The following RNF150 variants were observed in gnomAD, a reference collection of about 807,000 sequenced individuals.
RNF150 encodes the protein ring finger protein 150.
Under a neutral mutation model 39.3 loss-of-function variants are expected in RNF150, and 24 were observed. The observed-to-expected ratio is 0.61, with a 90% CI of 0.44 to 0.86. The LOEUF (loss-of-function observed/expected upper bound fraction) is 0.86, where lower values mean the gene tolerates loss of function less well. Ranked by LOEUF, RNF150 falls within the 40% of genes least tolerant of loss-of-function variation. The pLI, the probability that RNF150 is intolerant of heterozygous loss-of-function variation, is 0.00. For missense variants in RNF150, 502 were observed against 587.8 expected (o/e 0.85, Z 1.51); for synonymous variants, 255 against 227.3 (o/e 1.12, Z -1.10).
chr4:140,899,944 T>TTCTCTCTCTCTCTC (rs60297205), intron 6 of RNF150, among the ~76,000 whole-genome samples: 2,634 of 109,770 alleles, frequency 0.024, 76 homozygotes, highest in East Asian at 0.056. Flanking sequence ...CTCTCTCACT[T>TTCTCTCTCTCTCTC]TCTCTCTCTC....
At chr4:140,970,788 AG>A (rs1733434859) in intron 1 of RNF150, among the ~76,000 whole-genome samples, 4 of 152,146 alleles carry the variant, frequency 2.6e-5, no homozygotes, top group Admixed American at 2.6e-4. Flanking sequence ...CCACTTAGAA[AG>A]ACAAACAGTG....
At chr4:141,160,904 C>T (rs771176515) in intron 1 of RNF150, among the ~76,000 whole-genome samples, 12 of 152,122 alleles carry the variant, frequency 7.9e-5, no homozygotes, top group Admixed American at 5.2e-4. Context: ...TATAAATTAC[C>T]CAGTCTCAGG....
intron 1 of RNF150, among the ~76,000 whole-genome samples, chr4:141,046,039 T>C (rs1351879853): frequency 2.0e-5 from 3 of 151,992 alleles, no homozygotes; most frequent in Non-Finnish European, 4.4e-5. Flanking sequence ...AAAAGAAAAA[T>C]GACGTCATAG....
chr4:141,090,760 C>T (rs183244474), intron 1 of RNF150, among the ~76,000 whole-genome samples: 1 of 152,138 alleles, frequency 6.6e-6, no homozygotes, highest in Non-Finnish European at 1.5e-5. Flanking sequence ...AGCTGCTCAG[C>T]CCCTGGTGAT....
chr4:140,967,830 C>A lies in RNF150; in HGVS notation c.528G>T (p.Gly176=), dbSNP rs115090954. The change falls in exon 2 of 7, where the codon GGG becomes GGT. Residue 176 remains glycine, a synonymous_variant. Transcript: ENST00000515673. ...TTTCCAGCAGGCTTACTATCTCCTT[C>A]CCTTTTGGCTCAGGAATCATTATGG... ...IVAIMIPEPK[G]KEIVSLLERN... 3.2e-4 allele frequency: 515 copies of A among 1,613,416 alleles called. 1 individual carries two copies. The African/African-American group carries it at 6.2e-3, about 19-fold the overall frequency.
intron 1 of RNF150, among the ~76,000 whole-genome samples, chr4:141,130,077 C>A (rs1183770475): frequency 6.6e-6 from 1 of 152,204 alleles, no homozygotes; most frequent in Non-Finnish European, 1.5e-5. Context: ...GTTTCTCAAA[C>A]TGAATTCAGA....
At chr4:141,025,670 T>C (rs1430643727) in intron 1 of RNF150, among the ~76,000 whole-genome samples, 1 of 152,112 alleles carries the variant, frequency 6.6e-6, no homozygotes, top group Admixed American at 6.6e-5. Context: ...AAAAATAGCA[T>C]AGGAGAAAGA....
chr4:141,194,911 G>T (rs1728173902), intron 1 of RNF150, among the ~76,000 whole-genome samples: 1 of 152,128 alleles, frequency 6.6e-6, no homozygotes, highest in African/African-American at 2.4e-5. Flanking sequence ...TACCTCATAG[G>T]CTGGTCATGA....
In RNF150 at chr4:141,186,165, C is replaced by A. The variant is rs1002564594; in HGVS notation, c.-6+26629G>T. 2.6e-5 allele frequency among the ~76,000 whole-genome samples: 4 copies of A among 152,060 alleles called. No individual in the cohort carries two copies. In the East Asian group the frequency reaches 7.7e-4, roughly 29 times the overall value. ...GGCTGGGAATCCATCTGGTCCTGGGCTTTTTTTGGTTGGTAGGCTATTTAT... is the reference window on the plus strand; with the variant it reads ...GGCTGGGAATCCATCTGGTCCTGGGATTTTTTTGGTTGGTAGGCTATTTAT... On this transcript the variant is annotated intron_variant, in intron 1 of 7. Transcript: ENST00000420921.
intron 1 of RNF150, among the ~76,000 whole-genome samples, chr4:140,996,046 C>A (rs112597420): frequency 0.076 from 11,549 of 152,008 alleles, 499 homozygotes; most frequent in Middle Eastern, 0.16. Flanking sequence ...TTTTTGAGGA[C>A]CCGCCATACA....
At chr4:140,919,201 G>A (rs1225801696) in intron 5 of RNF150, among the ~76,000 whole-genome samples, 1 of 137,166 alleles carries the variant, frequency 7.3e-6, no homozygotes. Flanking sequence ...TTAGGCAGGA[G>A]AAGGAAATAA....
intron 5 of RNF150, among the ~76,000 whole-genome samples, chr4:140,916,899 A>G (rs2111291414): frequency 6.6e-6 from 1 of 152,352 alleles, no homozygotes; most frequent in East Asian, 1.9e-4. Flanking sequence ...AATATTCTTA[A>G]AGAAAAGAAT....
At position 141,151,453 on chromosome 4, in the gene RNF150, CACACACACAG is replaced by C. The variant is rs1359202166; in HGVS notation, c.-6+61331_-6+61340del. ...ACACACACACACACACACACACACA[CACACACACAG>C]ACACACACACAAATTTAAGTCAATA... On this transcript the variant is annotated intron_variant, in intron 1 of 7. Coordinates refer to the RNF150 transcript ENST00000420921. Among the ~76,000 whole-genome samples, 381 of 7,792 alleles carry C rather than the reference CACACACACAG, an allele frequency of 0.049. 6 individuals carry two copies. The Middle Eastern group carries it at 0.5, about 10-fold the overall frequency. 5.1% of individuals were successfully genotyped at this position (7,792 alleles called of 152,430 possible).
intron 1 of RNF150, among the ~76,000 whole-genome samples, chr4:141,172,042 A>G (rs1364059566): frequency 6.6e-6 from 1 of 152,214 alleles, no homozygotes; most frequent in Admixed American, 6.5e-5. Flanking sequence ...TTCATTAGCT[A>G]TTGCCACAAT....
chr4:140,963,801 G>T (rs1733131917), intron 2 of RNF150, among the ~76,000 whole-genome samples: 1 of 151,938 alleles, frequency 6.6e-6, no homozygotes, highest in South Asian at 2.1e-4. Flanking sequence ...TTAGACTATG[G>T]CCATTGGAAA....
chr4:140,951,225 G>T (rs1227259177), intron 2 of RNF150, among the ~76,000 whole-genome samples: 1 of 152,056 alleles, frequency 6.6e-6, no homozygotes, highest in Non-Finnish European at 1.5e-5. Flanking sequence ...ATCAATTCCT[G>T]TTAGATTGCC....
At chr4:140,928,428 A>AG (rs926847227) in intron 4 of RNF150, among the ~76,000 whole-genome samples, 6 of 146,006 alleles carry the variant, frequency 4.1e-5, no homozygotes, top group Non-Finnish European at 7.5e-5. Flanking sequence ...GCAGGGAGGG[A>AG]GGGGGAGCAA....
rs542288904 is a variant in RNF150, at chr4:140,926,005, A to G, written c.959T>C (p.Met320Thr). The G allele has an allele frequency of 2.2e-5, 35 of 1,613,858 alleles. 1 individual carries two copies. The South Asian group carries it at 3.7e-4, about 17-fold the overall frequency. Reference protein sequence around the residue: ...LDHRTCPMCKMNILKALGIPP... With the variant: ...LDHRTCPMCKTNILKALGIPP... ...GATCCCTAGGGCTTTAAGAATGTTC[A>G]TCTTGCACATGGGACAGGTACGATG... Residue 320 changes from methionine (M) to threonine (T), a missense_variant, in exon 5 of 7, where the codon ATG becomes ACG. Coordinates refer to ENST00000515673, the MANE Select transcript of RNF150 (RefSeq NM_020724.2).
At chr4:141,181,547 TTTGA>T (rs1394832449) in intron 1 of RNF150, among the ~76,000 whole-genome samples, 1 of 152,210 alleles carries the variant, frequency 6.6e-6, no homozygotes, top group South Asian at 2.1e-4. Flanking sequence ...TGTTTGCTTC[TTTGA>T]TTGGGCACGA....
Sources: gnomAD v4.1 joint callset for allele counts (sites outside exome capture counted in the v4.1 genomes callset) on GRCh38, gnomAD v4.1.1 for gene constraint, MANE v1.5 for transcripts, NCBI Gene and HGNC (gene_info 2026-07-23, HGNC 2026-07-21) for gene names.